The following KIAA1217 variants were observed in gnomAD, a reference collection of about 807,000 sequenced individuals.
KIAA1217 encodes the protein sickle tail protein homolog.
A neutral mutation model predicts 163.9 loss-of-function variants in KIAA1217; 88 were observed. The observed-to-expected ratio is 0.54, with a 90% CI of 0.45 to 0.64. The LOEUF (loss-of-function observed/expected upper bound fraction) is 0.64. Among genes scored for constraint, KIAA1217 ranks in the 30% least tolerant of loss-of-function variants. The pLI, the probability that KIAA1217 is intolerant of heterozygous loss-of-function variation, is 0.00. For synonymous variants in KIAA1217, 903 were observed against 923.1 expected, an observed-to-expected ratio of 0.98 and a Z score of 0.39; for missense variants, 2,372 against 2,475.0, an observed-to-expected ratio of 0.96 and a Z score of 0.88.
intron 2 of KIAA1217, among the ~76,000 whole-genome samples, chr10:24,244,254 G>A (rs1250688186): frequency 6.6e-6 from 1 of 152,092 alleles, no homozygotes; most frequent in African/African-American, 2.4e-5. Flanking sequence ...AGTTCCTCTC[G>A]GCTGGCTACC....
At chr10:24,212,200 A>G (rs1036481546) in intron 1 of KIAA1217, among the ~76,000 whole-genome samples, 4 of 152,224 alleles carry the variant, frequency 2.6e-5, no homozygotes, top group Admixed American at 2.6e-4. Flanking sequence ...ATGTAAGAGA[A>G]AAAGAGGAGT....
intron 1 of KIAA1217, among the ~76,000 whole-genome samples, chr10:23,956,917 A>C (rs550060688): frequency 6.6e-6 from 1 of 152,130 alleles, no homozygotes; most frequent in Non-Finnish European, 1.5e-5. Context: ...CTCCACTTCC[A>C]AAACTGGGGA....
intron 2 of KIAA1217, among the ~76,000 whole-genome samples, chr10:24,147,832 C>CAAAAAAAAAAAAAAAAAAAA (rs1176106711): frequency 1.3e-3 from 26 of 20,762 alleles, no homozygotes; most frequent in East Asian, 2.6e-3. Flanking sequence ...TACTCTGTCT[C>CAAAAAAAAAAAAAAAAAAAA]AAAAAAAAAA....
chr10:23,700,200 A>G (rs1836338607), intron 1 of KIAA1217, among the ~76,000 whole-genome samples: 1 of 152,170 alleles, frequency 6.6e-6, no homozygotes, highest in African/African-American at 2.4e-5. Context: ...ACTTGAGCCA[A>G]AAACCTCGGA....
chr10:24,521,694 C>A (rs2071312816), intron 11 of KIAA1217, 88 bp from the exon 12 acceptor site: 1 of 1,481,204 alleles, frequency 6.8e-7, no homozygotes, highest in Middle Eastern at 1.8e-4. Context: ...GTGAACTCTG[C>A]ACTTCTCTGT....
intron 1 of KIAA1217, among the ~76,000 whole-genome samples, chr10:23,891,885 G>A (rs1468643820): frequency 6.6e-6 from 1 of 151,904 alleles, no homozygotes; most frequent in East Asian, 1.9e-4. Flanking sequence ...TAAATAATTT[G>A]TGGTGTTTGT....
At chr10:24,026,742 A>ATTTTTTTTTTTTTTTTTTTTTT in intron 2 of KIAA1217, among the ~76,000 whole-genome samples, 5 of 70,092 alleles carry the variant, frequency 7.1e-5, no homozygotes, top group Non-Finnish European at 1.1e-4. Flanking sequence ...TATTTCATTG[A>ATTTTTTTTTTTTTTTTTTTTTT]TTTTTTTTTT....
intron 1 of KIAA1217, among the ~76,000 whole-genome samples, chr10:24,215,151 C>T (rs1326537290): frequency 6.6e-6 from 1 of 152,132 alleles, no homozygotes; most frequent in African/African-American, 2.4e-5. Flanking sequence ...GAAGAGTGTC[C>T]CTTTAGCATT....
chr10:23,861,904 T>G (rs530216491), intron 1 of KIAA1217, among the ~76,000 whole-genome samples: 1 of 152,334 alleles, frequency 6.6e-6, no homozygotes, highest in East Asian at 1.9e-4. Context: ...ACTTCTGACC[T>G]ACAGAACTAT....
intron 1 of KIAA1217, among the ~76,000 whole-genome samples, chr10:23,848,922 C>T (rs1264207704): frequency 1.3e-5 from 2 of 152,084 alleles, no homozygotes; most frequent in Non-Finnish European, 2.9e-5. Flanking sequence ...TGTAATTACA[C>T]ATTGCTTTGA....
At chr10:24,165,336 C>T (rs939242344) in intron 2 of KIAA1217, among the ~76,000 whole-genome samples, 3 of 152,254 alleles carry the variant, frequency 2.0e-5, no homozygotes, top group East Asian at 1.9e-4. Flanking sequence ...AGGAACTGTC[C>T]GCACCCTGGT....
chr10:24,258,835 C>T (rs1327558445), intron 2 of KIAA1217, among the ~76,000 whole-genome samples: 2 of 152,222 alleles, frequency 1.3e-5, no homozygotes, highest in African/African-American at 2.4e-5. Flanking sequence ...CCTCGTGATC[C>T]GCCCGCCTGG....
chr10:24,190,490 A>G (rs2066665780), intron 2 of KIAA1217, among the ~76,000 whole-genome samples: 1 of 152,192 alleles, frequency 6.6e-6, no homozygotes, highest in African/African-American at 2.4e-5. Context: ...ACCGTATGGT[A>G]GAATGGTCAG....
intron 2 of KIAA1217, among the ~76,000 whole-genome samples, chr10:24,163,479 A>C (rs2065210480): frequency 6.6e-6 from 1 of 152,238 alleles, no homozygotes; most frequent in African/African-American, 2.4e-5. Flanking sequence ...TTTGTTTTAC[A>C]AAATGGACAA....
chr10:24,168,656 G>T (rs1290545805), intron 2 of KIAA1217, among the ~76,000 whole-genome samples: 1 of 152,184 alleles, frequency 6.6e-6, no homozygotes, highest in Non-Finnish European at 1.5e-5. Context: ...ATATATCAAA[G>T]GATTTCCTGA....
intron 1 of KIAA1217, among the ~76,000 whole-genome samples, chr10:24,210,126 A>G (rs2067883031): frequency 6.6e-6 from 1 of 152,034 alleles, no homozygotes; most frequent in Non-Finnish European, 1.5e-5. Context: ...ACACAACAAA[A>G]AGACGTGCGG....
chr10:23,841,031 G>T (rs1473219929), intron 1 of KIAA1217, among the ~76,000 whole-genome samples: 1 of 152,170 alleles, frequency 6.6e-6, no homozygotes, highest in Non-Finnish European at 1.5e-5. Context: ...TGGGTATAAT[G>T]TTGGATTGGG....
intron 3 of KIAA1217, among the ~76,000 whole-genome samples, chr10:24,424,972 G>A (rs2059066041): frequency 6.6e-6 from 1 of 152,118 alleles, no homozygotes; most frequent in Non-Finnish European, 1.5e-5. Context: ...TAACTGTACT[G>A]GAATCTTTTG....
At chr10:24,181,131 T>A (rs1358734671) in intron 2 of KIAA1217, among the ~76,000 whole-genome samples, 1 of 152,220 alleles carries the variant, frequency 6.6e-6, no homozygotes, top group African/African-American at 2.4e-5. Context: ...GTCCCTGTTA[T>A]CTTGGAATTT....
Sources: gnomAD v4.1 joint callset for allele counts (sites outside exome capture counted in the v4.1 genomes callset) on GRCh38, gnomAD v4.1.1 for gene constraint, MANE v1.5 for transcripts, NCBI Gene and HGNC (gene_info 2026-07-23, HGNC 2026-07-21) for gene names.